The following OSBPL1A variants were observed in gnomAD, a reference collection of about 807,000 sequenced individuals.
The protein encoded by OSBPL1A is oxysterol-binding protein-related protein 1.
OSBPL1A carries 80 observed loss-of-function variants against 137.1 expected under a neutral mutation model. The observed-to-expected ratio is 0.58, with a 90% CI of 0.49 to 0.70. The LOEUF (loss-of-function observed/expected upper bound fraction) is 0.70. Among genes scored for constraint, OSBPL1A ranks in the 30% least tolerant of loss-of-function variants. The pLI, the probability that OSBPL1A is intolerant of heterozygous loss-of-function variation, is 0.00. For missense variants in OSBPL1A, 970 were observed against 1,129.4 expected (o/e 0.86, Z 2.02); for synonymous variants, 365 against 389.7 (o/e 0.94, Z 0.75).
intron 17 of OSBPL1A, among the ~76,000 whole-genome samples, chr18:24,198,754 G>A (rs2087114322): frequency 6.6e-6 from 1 of 152,056 alleles, no homozygotes; most frequent in Admixed American, 6.6e-5. Context: ...AAGAAGACAG[G>A]TGCAATCTCA....
At position 24,303,633 on chromosome 18, in the gene OSBPL1A, T is replaced by G; in HGVS notation, c.1174+4A>C. 6.2e-7 allele frequency: 1 copy of G among 1,609,786 alleles called. No homozygotes were observed. The highest frequency in any genetic ancestry group is 8.5e-7 in the Non-Finnish European group (1 of 1,176,304). The stretch of plus-strand genomic sequence containing the variant: ...GATTGTAGGGATAGTGCTTGTCTTT[T>G]TACCTTTAGCCATGTCACACTCCTT... On this transcript the variant is annotated splice_donor_region_variant and intron_variant, in intron 14 of 27. Coordinates refer to ENST00000319481, the MANE Select transcript of OSBPL1A (RefSeq NM_080597.4).
At chr18:24,254,726 A>C (rs2089218815) in intron 15 of OSBPL1A, among the ~76,000 whole-genome samples, 1 of 152,224 alleles carries the variant, frequency 6.6e-6, no homozygotes, top group Non-Finnish European at 1.5e-5. Flanking sequence ...TACATCAAAA[A>C]AAAAGGAAAA....
chr18:24,380,406 G>A (rs1054367485), intron 1 of OSBPL1A, among the ~76,000 whole-genome samples: 6 of 152,198 alleles, frequency 3.9e-5, no homozygotes, highest in African/African-American at 1.2e-4. Context: ...TGGCCCACAC[G>A]CTAAGGATGT....
At chr18:24,334,571 A>T (rs2091138405) in intron 5 of OSBPL1A, among the ~76,000 whole-genome samples, 1 of 152,226 alleles carries the variant, frequency 6.6e-6, no homozygotes, top group Non-Finnish European at 1.5e-5. Context: ...AACAATAACC[A>T]TCAAAACTAA....
chr18:24,249,468 CA>C (rs2089005686), intron 15 of OSBPL1A, among the ~76,000 whole-genome samples: 6 of 152,158 alleles, frequency 3.9e-5, no homozygotes, highest in Admixed American at 3.9e-4. Context: ...ATCAGGTGAG[CA>C]ATCACAGCAC....
chr18:24,368,268 A>G lies in OSBPL1A; in HGVS notation c.207+19T>C. On this transcript the variant is annotated intron_variant, in intron 3 of 27. Transcript: ENST00000319481. Reference sequence around the variant, plus strand: ...ATAATATTTACTGTAGTCATTAAAAATTAAAGTCATAAATAGACCTTCAAC... The same window carrying G: ...ATAATATTTACTGTAGTCATTAAAAGTTAAAGTCATAAATAGACCTTCAAC... 1 of 1,574,478 alleles carries G rather than the reference A, an allele frequency of 6.4e-7. No homozygotes were observed. Among genetic ancestry groups the G allele is most frequent in the Non-Finnish European group, 8.7e-7 (1 of 1,150,662 alleles).
intron 17 of OSBPL1A, among the ~76,000 whole-genome samples, chr18:24,205,626 T>A (rs116678688): frequency 1.1e-3 from 160 of 152,318 alleles, no homozygotes; most frequent in African/African-American, 3.8e-3. Context: ...TTGATATTAT[T>A]GTTATTATCA....
chr18:24,315,387 A>G (rs994502208), intron 11 of OSBPL1A, among the ~76,000 whole-genome samples: 18 of 151,854 alleles, frequency 1.2e-4, no homozygotes, highest in African/African-American at 4.4e-4. Context: ...ACACACATAG[A>G]AGCAGCTCAT....
At chr18:24,290,006 T>A (rs1373617758) in intron 14 of OSBPL1A, among the ~76,000 whole-genome samples, 1 of 151,962 alleles carries the variant, frequency 6.6e-6, no homozygotes, top group African/African-American at 2.4e-5. Context: ...AAATCATAAG[T>A]TGAACCATTG....
chr18:24,301,949 C>T (rs1051732817), intron 14 of OSBPL1A, among the ~76,000 whole-genome samples: 1 of 152,176 alleles, frequency 6.6e-6, no homozygotes, highest in Admixed American at 6.5e-5. Context: ...TTAATCATGG[C>T]CGGGCGTGGT....
At chr18:24,207,730 C>T (rs76901754) in intron 17 of OSBPL1A, among the ~76,000 whole-genome samples, 47 of 152,240 alleles carry the variant, frequency 3.1e-4, no homozygotes, top group Non-Finnish European at 6.3e-4. Context: ...ATACTTATCA[C>T]CTCTCTTCTC....
chr18:24,218,848 T>G (rs1160062923), intron 17 of OSBPL1A, among the ~76,000 whole-genome samples: 4 of 152,218 alleles, frequency 2.6e-5, no homozygotes, highest in Non-Finnish European at 5.9e-5. Context: ...ATGTGAGGTA[T>G]GCATATATTA....
chr18:24,270,864 A>AATT (rs2089700807), intron 15 of OSBPL1A, among the ~76,000 whole-genome samples: 3 of 152,294 alleles, frequency 2.0e-5, no homozygotes, highest in African/African-American at 7.2e-5. Context: ...AATTAAAATT[A>AATT]AGAAACTTTT....
chr18:24,206,326 G>A (rs2087374007), intron 17 of OSBPL1A, among the ~76,000 whole-genome samples: 1 of 152,170 alleles, frequency 6.6e-6, no homozygotes, highest in South Asian at 2.1e-4. Context: ...GCTGCAGAAT[G>A]CTAAACAAAG....
intron 1 of OSBPL1A, among the ~76,000 whole-genome samples, chr18:24,377,946 A>G (rs970400663): frequency 1.3e-5 from 2 of 152,250 alleles, no homozygotes; most frequent in African/African-American, 4.8e-5. Context: ...TTTATTTCCT[A>G]TATGACCATT....
chr18:24,213,229 A>G (rs753596289), intron 17 of OSBPL1A, among the ~76,000 whole-genome samples: 2 of 152,230 alleles, frequency 1.3e-5, no homozygotes, highest in Non-Finnish European at 2.9e-5. Flanking sequence ...TTAGTTATGA[A>G]TCTTTAAAAA....
Position 24,166,620 on chromosome 18 carries a change from C to G in OSBPL1A, c.2618G>C (p.Arg873Thr). 1 of 1,613,300 alleles carries G rather than the reference C, an allele frequency of 6.2e-7. No individual in the cohort carries two copies. The highest frequency in any genetic ancestry group is 8.5e-7 in the Non-Finnish European group (1 of 1,179,758). The change falls in exon 26 of 28, where the codon AGG (arginine) becomes ACG (threonine). Residue 873 changes from arginine (R) to threonine (T), a missense_variant. Coordinates refer to ENST00000319481, the MANE Select transcript of OSBPL1A (RefSeq NM_080597.4). ...MESVIPKTDCRLRPDIRAMEN... is the reference protein window; with the variant it reads ...MESVIPKTDCTLRPDIRAMEN... ...CATGGCTCTGATGTCAGGCCGTAAC[C>G]TGCAGTCTGTCTTGGGAATCACACT...
At chr18:24,266,310 T>A (rs2089572032) in intron 15 of OSBPL1A, among the ~76,000 whole-genome samples, 1 of 152,126 alleles carries the variant, frequency 6.6e-6, no homozygotes, top group Non-Finnish European at 1.5e-5. Flanking sequence ...ATGGTGAGCC[T>A]TTGAGCATCT....
rs202046633 is a variant in OSBPL1A, at chr18:24,250,154, T to TTTTG, written c.1282-10776_1282-10773dup. Among the ~76,000 whole-genome samples, 55 of 45,538 alleles carry TTTTG rather than the reference T, an allele frequency of 1.2e-3. 1 individual carries two copies. The highest frequency in any genetic ancestry group is 2.6e-3 in the African/African-American group (46 of 17,884). 29.9% of individuals were successfully genotyped at this position (45,538 alleles called of 152,430 possible). A position where few individuals can be genotyped will look rare whatever the true frequency, so the allele number is the denominator to read the frequency against. ...TAGCTCCCAGAAGGCGTTTGTGTGT[T>TTTTG]TTTGTTTGTTTGTTTGTTTGTTTGT... is the stretch of plus-strand genomic sequence containing the variant. On this transcript the variant is annotated intron_variant, in intron 15 of 27. Transcript: ENST00000319481.
Sources: allele counts gnomAD v4.1 joint callset (sites outside exome capture counted in the v4.1 genomes callset), GRCh38; gene constraint gnomAD v4.1.1; transcripts MANE v1.5; gene names NCBI Gene and HGNC (gene_info 2026-07-23, HGNC 2026-07-21).